The following CT55 variants were observed in gnomAD, a reference collection of about 807,000 sequenced individuals.
The protein encoded by CT55 is BRCA2-interacting protein.
A neutral mutation model predicts 12.6 loss-of-function variants in CT55; 1 was observed. That is an observed-to-expected ratio of 0.08 (90% confidence interval 0.03 to 0.38). CT55 has a LOEUF of 0.38. Among genes scored for constraint, CT55 ranks in the 10% least tolerant of loss-of-function variants. The pLI, the probability that CT55 is intolerant of heterozygous loss-of-function variation, is 0.99. For synonymous variants in CT55, 43 were observed against 49.7 expected (o/e 0.87, Z 0.57); for missense variants, 109 against 135.4 (o/e 0.80, Z 0.97).
chrX:135,162,235 G>A (rs782121406), intron 2 of CT55, among the ~76,000 whole-genome samples: 29 of 112,717 alleles, frequency 2.6e-4, no homozygotes, highest in Non-Finnish European at 4.9e-4. Flanking sequence ...CTGGCTGTAT[G>A]TTTAGATATA....
rs1479696937 is a variant in CT55 at position 135,170,952 on chromosome X, G to T, written c.94+126C>A. ...TGCCTCGGGTTGCCTCCCCATGCAC[G>T]CACAAGATGGAGCCACCGTCACGTG... On this transcript the variant is annotated intron_variant, in intron 1 of 5. Transcript: ENST00000276241. 6 of 1,074,148 alleles carry T rather than the reference G, an allele frequency of 5.6e-6. No homozygotes were observed. In the Admixed American group the frequency reaches 1.7e-4, roughly 30 times the overall value. The allele number at this position is 1,074,148 out of a possible 1,213,427, so 88.5% of individuals were successfully genotyped here. A position where few individuals can be genotyped will look rare whatever the true frequency, so the allele number is the denominator to read the frequency against.
intron 2 of CT55, among the ~76,000 whole-genome samples, chrX:135,166,036 CAAAAAAAAAAAAAAA>C (rs56051595): frequency 5.5e-5 from 2 of 36,047 alleles, no homozygotes; most frequent in Non-Finnish European, 8.5e-5. Context: ...AAACCTATTC[CAAAAAAAAAAAAAAA>C]AAAAAAAAAA....
intron 2 of CT55, among the ~76,000 whole-genome samples, chrX:135,162,135 A>G (rs2083565437): frequency 8.9e-6 from 1 of 112,979 alleles, no homozygotes; most frequent in Non-Finnish European, 1.9e-5. Context: ...TGTGGATTAT[A>G]CAATTAATGT....
chrX:135,170,398 CAT>C lies in CT55; in HGVS notation c.95-622_95-621del, dbSNP rs202227413. Among the ~76,000 whole-genome samples, 531 of 112,255 alleles carry C rather than the reference CAT, an allele frequency of 4.7e-3. 2 individuals are homozygous for C. Among genetic ancestry groups the C allele is most frequent in the African/African-American group, 0.016 (492 of 30,919 alleles). On this transcript the variant is annotated intron_variant, in intron 1 of 5. Coordinates refer to ENST00000276241, the MANE Select transcript of CT55 (RefSeq NM_001031705.3). The stretch of plus-strand genomic sequence containing the variant: ...TAAATGTTACCTGTTAGCATTTCTA[CAT>C]ATGAGTCTTTAAGCTTCTGCTCCTA...
chrX:135,167,999 T>C (rs1556406251), intron 2 of CT55, among the ~76,000 whole-genome samples: 1 of 111,614 alleles, frequency 9.0e-6, no homozygotes, highest in African/African-American at 3.3e-5. Context: ...TGGTGGGATG[T>C]AAATTGTTAC....
At chrX:135,160,823 C>T (rs2083559375) in intron 2 of CT55, among the ~76,000 whole-genome samples, 1 of 111,658 alleles carries the variant, frequency 9.0e-6, no homozygotes, top group Non-Finnish European at 1.9e-5. Context: ...TAAAATAATA[C>T]CGTCCTTCGC....
chrX:135,164,451 A>T (rs2083574795), intron 2 of CT55, among the ~76,000 whole-genome samples: 2 of 112,209 alleles, frequency 1.8e-5, no homozygotes, highest in Non-Finnish European at 3.8e-5. Context: ...AAACAAAACC[A>T]CAAAACACAC....
intron 2 of CT55, among the ~76,000 whole-genome samples, chrX:135,168,060 C>T (rs1233613317): frequency 8.9e-6 from 1 of 111,860 alleles, no homozygotes; most frequent in African/African-American, 3.3e-5. Context: ...AACAATGGAA[C>T]TATCACACTA....
At chrX:135,159,412 C>G (rs2083552601) in intron 3 of CT55, among the ~76,000 whole-genome samples, 1 of 111,584 alleles carries the variant, frequency 9.0e-6, no homozygotes, top group Admixed American at 9.5e-5. Flanking sequence ...TATTCACCAA[C>G]TTTTGTTTGC....
intron 2 of CT55, among the ~76,000 whole-genome samples, chrX:135,166,144 A>G (rs1255182857): frequency 1.8e-5 from 2 of 109,862 alleles, no homozygotes; most frequent in Non-Finnish European, 3.8e-5. Flanking sequence ...GGAAACAGAA[A>G]GAAGAGAAAA....
intron 2 of CT55, among the ~76,000 whole-genome samples, chrX:135,161,606 T>C (rs1365938752): frequency 1.8e-5 from 2 of 112,347 alleles, no homozygotes; most frequent in Non-Finnish European, 3.8e-5. Flanking sequence ...CAATTTCACA[T>C]AATTAGACAT....
chrX:135,168,675 A>G (rs1397393591), intron 2 of CT55, among the ~76,000 whole-genome samples: 4 of 111,740 alleles, frequency 3.6e-5, no homozygotes, highest in African/African-American at 1.3e-4. Context: ...AACTCTGTGA[A>G]CAAATTAAAA....
At position 135,158,256 on chromosome X, in the gene CT55, G is replaced by A; in HGVS notation, c.480C>T (p.Gly160=). The A allele has an allele frequency of 2.5e-6, 3 of 1,208,823 alleles. No individual in the cohort carries two copies. Among genetic ancestry groups the A allele is most frequent in the Non-Finnish European group, 3.4e-6 (3 of 892,889 alleles). ...CAGAAGTTGCCTTGATGTTTGAGAT[G>A]CCTGGCTCAGTGGAATATTCAACTT... ...LLEVEYSTEP[G]ISNIKATSVK... The change falls in exon 4 of 6, where the codon GGC becomes GGT. Residue 160 remains glycine (G), a synonymous_variant. Coordinates refer to ENST00000276241, the MANE Select transcript of CT55 (RefSeq NM_001031705.3).
chrX:135,158,285 A>G lies in CT55; in HGVS notation c.451T>C (p.Leu151=), dbSNP rs782258700. Residue 151 remains leucine, a synonymous_variant, in exon 4 of 6, where the codon TTA becomes CTA. Coordinates refer to ENST00000276241, the MANE Select transcript of CT55 (RefSeq NM_001031705.3). ...EDFVPYKGDL[L]EVEYSTEPGI... ...GGCTCAGTGGAATATTCAACTTCTA[A>G]CAAGTCACCCTTATAAGGCACAAAA... 2.5e-6 allele frequency: 3 copies of G among 1,204,494 alleles called. No homozygotes were observed. Among genetic ancestry groups the G allele is most frequent in the Non-Finnish European group, 3.4e-6 (3 of 888,911 alleles).
Position 135,171,173 on chromosome X carries a change from G to A in CT55, c.-2C>T, listed in dbSNP as rs782419674. ...AGCAAGTCTCAGAAGCCTGAGCATC[G>A]TCCCAGTTGTCACCACCGGCCTGGG... On this transcript the variant is annotated 5_prime_UTR_variant, in exon 1 of 6. It adds an upstream start codon to the 5' untranslated region. Transcript: ENST00000276241. 2.7e-5 allele frequency: 33 copies of A among 1,209,472 alleles called. No homozygotes were observed. In the South Asian group the frequency reaches 3.0e-4, roughly 11 times the overall value.
In CT55 at chrX:135,167,523, C is replaced by T. The variant is rs1358664661; in HGVS notation, c.279+2071G>A. ...AGAAGGAGACATAGGGGGAAAGCTC[C>T]ATGACATTGTTCTGGGCAACGATAT... On this transcript the variant is annotated intron_variant, in intron 2 of 5. Coordinates refer to ENST00000276241, the MANE Select transcript of CT55 (RefSeq NM_001031705.3). Among the ~76,000 whole-genome samples, 15 of 111,318 alleles carry T rather than the reference C, an allele frequency of 1.3e-4. No homozygotes were observed. The East Asian group carries it at 4.2e-3, about 31-fold the overall frequency.
At chrX:135,163,538 C>T (rs782722607) in intron 2 of CT55, among the ~76,000 whole-genome samples, 2 of 110,067 alleles carry the variant, frequency 1.8e-5, no homozygotes, top group Non-Finnish European at 3.8e-5. Context: ...AGGAAGGACA[C>T]GGAATGAAAA....
At position 135,160,426 on chromosome X, in the gene CT55, C is replaced by T. The variant is rs374625968; in HGVS notation, c.409G>A (p.Ala137Thr). The T allele has an allele frequency of 6.0e-6, 7 of 1,159,347 alleles. No individual in the cohort carries two copies. Among genetic ancestry groups the T allele is most frequent in the Non-Finnish European group, 8.1e-6 (7 of 868,954 alleles). Residue 137 changes from alanine (A) to threonine (T), a missense_variant, in exon 3 of 6, where the codon GCC becomes ACC. Ala to Thr is a moderately conservative substitution (Grantham distance 58, BLOSUM62 0). Transcript: ENST00000276241. ...TAAATCATACCTTCAGAAACAATGG[C>T]TATGGAAAAATAAATGCTGTTACTA... ...YISNSIYFSIAIVSEDFVPYK... is the reference protein window; with the variant it reads ...YISNSIYFSITIVSEDFVPYK...
intron 2 of CT55, among the ~76,000 whole-genome samples, chrX:135,165,602 G>T (rs1277051165): frequency 9.0e-6 from 1 of 111,078 alleles, no homozygotes; most frequent in African/African-American, 3.3e-5. Context: ...GAATAGAAAT[G>T]AGAAGAACAA....
Sources: gnomAD v4.1 joint callset for allele counts (sites outside exome capture counted in the v4.1 genomes callset) on GRCh38, gnomAD v4.1.1 for gene constraint, MANE v1.5 for transcripts, NCBI Gene and HGNC (gene_info 2026-07-23, HGNC 2026-07-21) for gene names.